Variants in VAMP7 observed in about 807,000 individuals in gnomAD.
VAMP7 encodes vesicle associated membrane protein 7.
Under a neutral mutation model 29.6 loss-of-function variants are expected in VAMP7, and 14 were observed. The ratio of observed to expected loss-of-function variants is 0.47; its 90% CI spans 0.31 to 0.74. The LOEUF (loss-of-function observed/expected upper bound fraction) is 0.74. Among genes scored for constraint, VAMP7 ranks in the 30% least tolerant of loss-of-function variants. VAMP7 has a pLI of 0.05. For missense variants in VAMP7, 223 were observed against 262.4 expected (o/e 0.85, Z 1.04); for synonymous variants, 95 against 88.1 (o/e 1.08, Z -0.44).
rs2066752568 is a variant in VAMP7 at position 155,942,051 on chromosome X, C to T, written c.*100C>T. ...TCACATACTGACAGATGGTATCTGC[C>T]AGTCTCTTCAACCCTCTTCTCACTT... is the stretch of plus-strand genomic sequence containing the variant. On this transcript the variant is annotated 3_prime_UTR_variant, in exon 8 of 8. Transcript: ENST00000286448. 6 of 1,603,404 alleles carry T rather than the reference C, an allele frequency of 3.7e-6. No homozygotes were observed. Among genetic ancestry groups the T allele is most frequent in the African/African-American group, 1.3e-5 (1 of 74,616 alleles).
At chrX:155,941,841 G>A in intron 7 of VAMP7, 42 bp from the exon 8 acceptor site, 10 of 1,596,782 alleles carry the variant, frequency 6.3e-6, no homozygotes, top group Non-Finnish European at 7.7e-6. Context: ...AGAATAATAT[G>A]ATTGATTCAA....
rs201324487 is a variant in VAMP7, at chrX:155,930,492, A to AC, written c.502-9209_502-9208insC. ...ACCTTATCTCTACAAAACCAAACAA[A>AC]AAAAAAAAAAAAATAGGTGTGATTG... On this transcript the variant is annotated intron_variant, in intron 6 of 7. Coordinates refer to ENST00000286448, the MANE Select transcript of VAMP7 (RefSeq NM_005638.6). Among the ~76,000 whole-genome samples, 97 of 26,010 alleles carry AC rather than the reference A, an allele frequency of 3.7e-3. 1 individual carries two copies. The South Asian group carries it at 0.041, about 11-fold the overall frequency. The allele number at this position is 26,010 out of a possible 152,430, so 17.1% of individuals were successfully genotyped here.
chrX:155,900,645 T>C lies in VAMP7; in HGVS notation c.433+58T>C, dbSNP rs942986097. 1.1e-5 allele frequency: 16 copies of C among 1,449,156 alleles called. No individual in the cohort carries two copies. In the African/African-American group the frequency reaches 2.1e-4, roughly 19 times the overall value. 89.8% of individuals were successfully genotyped at this position (1,449,156 alleles called of 1,614,324 possible). On this transcript the variant is annotated intron_variant, in intron 5 of 7. Transcript: ENST00000286448. Reference sequence around the variant, plus strand: ...GCAAAAATGATAAAGATTACTTGACTGGGGTCAAATTATTCTAGAGAAGCC... The same window carrying C: ...GCAAAAATGATAAAGATTACTTGACCGGGGTCAAATTATTCTAGAGAAGCC...
At chrX:155,939,176 G>T (rs1211497465) in intron 6 of VAMP7, among the ~76,000 whole-genome samples, 3 of 152,096 alleles carry the variant, frequency 2.0e-5, no homozygotes, top group Admixed American at 6.6e-5. Context: ...TTGTGTCCTG[G>T]TGGGAATTGT....
At chrX:155,912,453 T>C (rs2066251665) in intron 5 of VAMP7, among the ~76,000 whole-genome samples, 1 of 152,152 alleles carries the variant, frequency 6.6e-6, no homozygotes, top group African/African-American at 2.4e-5. Context: ...GGTGGTTTGC[T>C]GCACCCATTA....
rs143407145 is a variant in VAMP7, at chrX:155,918,757, A to G, written c.434-1056A>G. On this transcript the variant is annotated intron_variant, in intron 5 of 7. Coordinates refer to ENST00000286448, the MANE Select transcript of VAMP7 (RefSeq NM_005638.6). Reference sequence around the variant, plus strand: ...AGACCAGAGCTGTTCCTATTCGGTCATCTTGCCAACCACCCTGAGATGTTG... The same window carrying G: ...AGACCAGAGCTGTTCCTATTCGGTCGTCTTGCCAACCACCCTGAGATGTTG... 1.4e-3 allele frequency among the ~76,000 whole-genome samples: 218 copies of G among 152,328 alleles called. 1 individual carries two copies. Among genetic ancestry groups the G allele is most frequent in the Non-Finnish European group, 1.8e-3 (123 of 68,020 alleles).
chrX:155,881,781 C>T (rs2065804663), intron 1 of VAMP7, among the ~76,000 whole-genome samples: 1 of 152,168 alleles, frequency 6.6e-6, no homozygotes, highest in South Asian at 2.1e-4. Flanking sequence ...CTTCTAAAAA[C>T]TCTCTACGTC....
chrX:155,898,847 C>T (rs1406367091), intron 4 of VAMP7, among the ~76,000 whole-genome samples: 1 of 152,066 alleles, frequency 6.6e-6, no homozygotes, highest in East Asian at 1.9e-4. Context: ...ATAGAACTTT[C>T]TGTAAATAGA....
intron 5 of VAMP7, among the ~76,000 whole-genome samples, chrX:155,911,979 G>A (rs2066243999): frequency 6.6e-6 from 1 of 152,074 alleles, no homozygotes; most frequent in African/African-American, 2.4e-5. Flanking sequence ...CTCTGGCTAG[G>A]ACTTCCAGTA....
chrX:155,933,068 A>G (rs1393013422), intron 6 of VAMP7, among the ~76,000 whole-genome samples: 12 of 152,082 alleles, frequency 7.9e-5, no homozygotes, highest in Non-Finnish European at 1.8e-4. Context: ...TGATCATGGT[A>G]GATAAGCTTT....
intron 7 of VAMP7, among the ~76,000 whole-genome samples, chrX:155,940,834 A>G (rs1569453590): frequency 6.6e-6 from 1 of 152,140 alleles, no homozygotes. Context: ...AGTTCAACCT[A>G]TTCATTAATA....
intron 4 of VAMP7, among the ~76,000 whole-genome samples, chrX:155,899,167 T>A (rs1371547529): frequency 6.6e-6 from 1 of 151,962 alleles, no homozygotes; most frequent in Non-Finnish European, 1.5e-5. Flanking sequence ...AGGAATGGAA[T>A]TGCTGGGTCA....
intron 7 of VAMP7, among the ~76,000 whole-genome samples, chrX:155,940,076 T>A: frequency 6.6e-6 from 1 of 151,952 alleles, no homozygotes; most frequent in Non-Finnish European, 1.5e-5. Flanking sequence ...TTCTGGTTTA[T>A]ATGTAATGGG....
chrX:155,901,440 TAAAGTTTCCAG>T lies in VAMP7; in HGVS notation c.433+857_433+867del, dbSNP rs2066061055. Among the ~76,000 whole-genome samples, 4 of 152,160 alleles carry T rather than the reference TAAAGTTTCCAG, an allele frequency of 2.6e-5. No individual in the cohort carries two copies. In the East Asian group the frequency reaches 7.7e-4, roughly 29 times the overall value. On this transcript the variant is annotated intron_variant, in intron 5 of 7. Transcript: ENST00000286448. ...TACAATATTATTTATTGCAGATGCA[TAAAGTTTCCAG>T]AAAAATCAACGTTTTTAATCGACTC...
intron 1 of VAMP7, among the ~76,000 whole-genome samples, chrX:155,889,207 G>GGT (rs937215050): frequency 3.2e-4 from 49 of 151,116 alleles, no homozygotes; most frequent in Non-Finnish European, 4.7e-4. Flanking sequence ...AGCTATCAAT[G>GGT]GTGTGTGTGT....
chrX:155,921,193 T>G (rs2066391252), intron 6 of VAMP7, among the ~76,000 whole-genome samples: 1 of 152,196 alleles, frequency 6.6e-6, no homozygotes, highest in Non-Finnish European at 1.5e-5. Flanking sequence ...TTTTGTTGAC[T>G]TCATGACTGA....
At chrX:155,897,990 C>T (rs1304947493) in intron 3 of VAMP7, 122 bp from the exon 4 acceptor site, 9 of 1,248,790 alleles carry the variant, frequency 7.2e-6, no homozygotes, top group Non-Finnish European at 8.9e-6. Context: ...AGGATCAATG[C>T]TAGTTCCTCC....
At chrX:155,917,663 G>A (rs2066333315) in intron 5 of VAMP7, among the ~76,000 whole-genome samples, 1 of 152,150 alleles carries the variant, frequency 6.6e-6, no homozygotes, top group South Asian at 2.1e-4. Flanking sequence ...ATTGCTGCCT[G>A]TTCCTTCCTC....
intron 5 of VAMP7, among the ~76,000 whole-genome samples, chrX:155,908,405 G>A (rs1297114304): frequency 2.6e-5 from 4 of 152,178 alleles, no homozygotes; most frequent in Admixed American, 6.5e-5. Flanking sequence ...AAAAAAATAC[G>A]AAAACCAGTC....
Sources: allele counts gnomAD v4.1 joint callset (sites outside exome capture counted in the v4.1 genomes callset), GRCh38; gene constraint gnomAD v4.1.1; transcripts MANE v1.5; gene names NCBI Gene and HGNC (gene_info 2026-07-23, HGNC 2026-07-21).